Variants in ARHGEF3 observed in about 807,000 individuals in gnomAD.
ARHGEF3 encodes 59.8 kDA protein.
A neutral mutation model predicts 63.2 loss-of-function variants in ARHGEF3; 28 were observed. The observed-to-expected ratio is 0.44, with a 90% CI of 0.33 to 0.61. ARHGEF3 has a LOEUF of 0.61. ARHGEF3 is among the 20% of genes least tolerant of loss of function. The probability of loss-of-function intolerance (pLI) is 0.03; values close to 1 mark genes in which losing one functional copy is unlikely to be tolerated. For synonymous variants in ARHGEF3, 266 were observed against 254.2 expected (o/e 1.05, Z -0.44); for missense variants, 533 against 659.3 (o/e 0.81, Z 2.10).
chr3:56,802,025 G>C (rs942423890), upstream of ARHGEF3: 6 of 1,416,182 alleles, frequency 4.2e-6, no homozygotes, highest in Non-Finnish European at 5.5e-6. Context: ...CGCCGGCTCG[G>C]CACCGCCCCA....
intron 3 of ARHGEF3, among the ~76,000 whole-genome samples, chr3:56,933,448 C>T (rs2042466205): frequency 7.2e-6 from 1 of 139,280 alleles, no homozygotes. Context: ...GAGACAGTGT[C>T]TCACTTTGTC....
chr3:56,906,773 G>GT (rs1019431982), intron 3 of ARHGEF3, among the ~76,000 whole-genome samples: 1 of 151,244 alleles, frequency 6.6e-6, no homozygotes, highest in African/African-American at 2.4e-5. Flanking sequence ...GAGGCAAGAG[G>GT]TTGCAGTGAG....
chr3:56,967,438 TATATTATATATTATAC>T (rs1700580518), intron 2 of ARHGEF3, among the ~76,000 whole-genome samples: 1 of 75,552 alleles, frequency 1.3e-5, no homozygotes, highest in Non-Finnish European at 2.2e-5. Flanking sequence ...TATTATATAA[TATATTATATATTATAC>T]ATATTATATA....
intron 7 of ARHGEF3, among the ~76,000 whole-genome samples, chr3:56,738,582 C>G (rs886097510): frequency 3.9e-5 from 6 of 152,194 alleles, no homozygotes; most frequent in Non-Finnish European, 7.3e-5. Context: ...AATACACTCA[C>G]ACCCAGGATC....
chr3:56,869,267 C>G (rs1405630852), intron 4 of ARHGEF3, among the ~76,000 whole-genome samples: 2 of 152,170 alleles, frequency 1.3e-5, no homozygotes, highest in African/African-American at 4.8e-5. Context: ...TTAATCCAAA[C>G]CTGGCATTGT....
intron 4 of ARHGEF3, among the ~76,000 whole-genome samples, chr3:56,825,769 G>A (rs1001714860): frequency 1.3e-5 from 2 of 152,124 alleles, no homozygotes; most frequent in African/African-American, 4.8e-5. Flanking sequence ...CTCATACTGC[G>A]GTGCATTCTG....
At chr3:56,769,287 G>A (rs530886457) in intron 2 of ARHGEF3, among the ~76,000 whole-genome samples, 3 of 152,188 alleles carry the variant, frequency 2.0e-5, no homozygotes, top group Non-Finnish European at 4.4e-5. Context: ...CCAAAGGCGA[G>A]CTCGCCTTCC....
chr3:56,900,938 T>C (rs2108308239), intron 3 of ARHGEF3, among the ~76,000 whole-genome samples: 1 of 152,224 alleles, frequency 6.6e-6, no homozygotes, highest in South Asian at 2.1e-4. Flanking sequence ...ACTGACGGAG[T>C]TGGCCCAGGT....
intron 1 of ARHGEF3, among the ~76,000 whole-genome samples, chr3:57,076,058 C>T (rs1227535003): frequency 3.9e-5 from 6 of 152,128 alleles, no homozygotes; most frequent in African/African-American, 9.7e-5. Flanking sequence ...AATATTTGTA[C>T]AAACCATTAA....
intron 2 of ARHGEF3, among the ~76,000 whole-genome samples, chr3:56,766,145 T>C (rs1470183350): frequency 5.3e-5 from 8 of 152,170 alleles, no homozygotes; most frequent in African/African-American, 1.9e-4. Flanking sequence ...TTTTATCAAG[T>C]AGAACTTTTA....
chr3:56,896,998 T>C (rs1414815933), intron 3 of ARHGEF3, among the ~76,000 whole-genome samples: 4 of 152,242 alleles, frequency 2.6e-5, no homozygotes, highest in African/African-American at 9.6e-5. Context: ...AGTGTCTTCT[T>C]CCTCATGAAA....
At chr3:57,012,445 G>A (rs546055389) in intron 2 of ARHGEF3, among the ~76,000 whole-genome samples, 15 of 152,222 alleles carry the variant, frequency 9.9e-5, no homozygotes, top group Admixed American at 3.3e-4. Context: ...TTTTAGTAGC[G>A]ACGGGGTTTC....
chr3:57,026,149 C>T (rs11706922), intron 2 of ARHGEF3, among the ~76,000 whole-genome samples: 62,484 of 151,932 alleles, frequency 0.41, 13,444 homozygotes, highest in Non-Finnish European at 0.47. Flanking sequence ...CCTATAATTC[C>T]AGCTCTTTAG....
chr3:56,786,347 G>A (rs917743694), intron 1 of ARHGEF3, among the ~76,000 whole-genome samples: 1 of 152,184 alleles, frequency 6.6e-6, no homozygotes, highest in African/African-American at 2.4e-5. Context: ...ATGCTGTTCA[G>A]GAAACTGTGA....
intron 1 of ARHGEF3, among the ~76,000 whole-genome samples, chr3:56,796,358 G>A (rs2037367671): frequency 6.6e-6 from 1 of 152,156 alleles, no homozygotes; most frequent in Admixed American, 6.5e-5. Context: ...TCCAGTGATT[G>A]GTTTACACAG....
At chr3:56,804,463 C>T (rs919824422), upstream of ARHGEF3, among the ~76,000 whole-genome samples, 1 of 152,202 alleles carries the variant, frequency 6.6e-6, no homozygotes, top group Non-Finnish European at 1.5e-5. Flanking sequence ...AATCCACACC[C>T]TCACACTAAA....
At chr3:57,022,874 A>G (rs1201100993) in intron 2 of ARHGEF3, among the ~76,000 whole-genome samples, 1 of 152,214 alleles carries the variant, frequency 6.6e-6, no homozygotes, top group Non-Finnish European at 1.5e-5. Context: ...TCTTTGTCCA[A>G]GCTAAGCCCC....
intron 2 of ARHGEF3, among the ~76,000 whole-genome samples, chr3:56,978,777 C>A (rs904922729): frequency 1.3e-5 from 2 of 152,178 alleles, no homozygotes; most frequent in African/African-American, 4.8e-5. Context: ...ATGGGCCTAG[C>A]AATAAGGGTA....
At chr3:56,771,243 T>C (rs1183707803) in intron 2 of ARHGEF3, among the ~76,000 whole-genome samples, 1 of 152,324 alleles carries the variant, frequency 6.6e-6, no homozygotes, top group East Asian at 1.9e-4. Flanking sequence ...ATTTCAGACA[T>C]GGCTTGATTT....
Sources: allele counts gnomAD v4.1 joint callset (sites outside exome capture counted in the v4.1 genomes callset), GRCh38; gene constraint gnomAD v4.1.1; transcripts MANE v1.5; gene names NCBI Gene and HGNC (gene_info 2026-07-23, HGNC 2026-07-21).